Variants in PRUNE2 observed in about 807,000 individuals in gnomAD.
The protein encoded by PRUNE2 is prune homolog 2 with BCH domain.
In PRUNE2, 164 loss-of-function variants were observed where a neutral mutation model predicts 252.0. The observed-to-expected ratio is 0.65, with a 90% CI of 0.57 to 0.74. The LOEUF is 0.74. Among genes scored for constraint, PRUNE2 ranks in the 30% least tolerant of loss-of-function variants. PRUNE2 has a pLI of 0.00. For missense variants in PRUNE2, 3,495 were observed against 3,711.0 expected, an observed-to-expected ratio of 0.94 and a Z score of 1.51; for synonymous variants, 1,292 against 1,350.2, an observed-to-expected ratio of 0.96 and a Z score of 0.94.
At chr9:76,628,493 T>C (rs1311123344) in intron 16 of PRUNE2, among the ~76,000 whole-genome samples, 2 of 152,218 alleles carry the variant, frequency 1.3e-5, no homozygotes, top group African/African-American at 4.8e-5. Context: ...ATAAATTACT[T>C]TGTATAAGAC....
At chr9:76,636,376 A>C (rs1475816872) in intron 15 of PRUNE2, 95 bp downstream of exon 15, 4 of 712,434 alleles carry the variant, frequency 5.6e-6, no homozygotes, top group Non-Finnish European at 9.8e-6. Context: ...TTCCCTGGGT[A>C]CTCTTAGTTT....
At chr9:76,787,021 A>G (rs2055056199) in intron 6 of PRUNE2, 1 of 152,180 alleles carries the variant, frequency 6.6e-6, no homozygotes, top group African/African-American at 2.4e-5. Flanking sequence ...CCCTGCCTTC[A>G]GTGTCCTCTG....
chr9:76,705,328 T>G lies in PRUNE2; in HGVS notation c.6946A>C (p.Ile2316Leu). 6.2e-7 allele frequency: 1 copy of G among 1,614,046 alleles called. No individual in the cohort carries two copies. The change falls in exon 8 of 19, where the codon ATA becomes CTA. Residue 2316 changes from isoleucine (I) to leucine (L), a missense_variant. Physicochemically the swap from Ile to Leu is conservative, Grantham distance 5. Transcript: ENST00000376718. ...AATGTCAGTTTACTCATGTCATCTA[T>G]TGTTCCCGTGGATGTGTTGAGACCT... ...ASGLNTSTGT[I>L]DDMSKLTLSE...
At chr9:76,837,926 C>A (rs552012761) in intron 4 of PRUNE2, among the ~76,000 whole-genome samples, 1 of 151,764 alleles carries the variant, frequency 6.6e-6, no homozygotes, top group Non-Finnish European at 1.5e-5. Flanking sequence ...CGCCTGCCAC[C>A]ACGCCCAGCT....
At chr9:76,865,725 T>C (rs2060797018) in intron 1 of PRUNE2, among the ~76,000 whole-genome samples, 1 of 152,030 alleles carries the variant, frequency 6.6e-6, no homozygotes, top group Non-Finnish European at 1.5e-5. Context: ...TCAAAAGTTA[T>C]ACTATAGGCT....
rs765092693 is a variant in PRUNE2 at position 76,708,911 on chromosome 9, C to T, written c.3363G>A (p.Glu1121=). The T allele has an allele frequency of 4.3e-6, 7 of 1,613,966 alleles. No individual in the cohort carries two copies. The highest frequency in any genetic ancestry group is 5.9e-6 in the Non-Finnish European group (7 of 1,179,896). Reference sequence around the variant, plus strand: ...AGATCGTTGCAGTGGACTGAGTATCCTCCAAAATCACTCTGTTCCACAAGT... The same window carrying T: ...AGATCGTTGCAGTGGACTGAGTATCTTCCAAAATCACTCTGTTCCACAAGT... The part of the protein sequence containing the change: ...SLDLWNRVIL[E]DTQSTATISD... Residue 1121 remains glutamate (E), a synonymous_variant, in exon 8 of 19, where the codon GAG becomes GAA. Coordinates refer to ENST00000376718, the MANE Select transcript of PRUNE2 (RefSeq NM_015225.3).
At chr9:76,714,636 A>G (rs1285946864) in intron 6 of PRUNE2, among the ~76,000 whole-genome samples, 1 of 152,108 alleles carries the variant, frequency 6.6e-6, no homozygotes, top group Non-Finnish European at 1.5e-5. Flanking sequence ...GGCTCAACTG[A>G]TCCACCCACT....
Position 76,703,901 on chromosome 9 carries a change from CTT to C in PRUNE2, c.7710_7711del (p.Ser2571HisfsTer3). 1 of 1,613,876 alleles carries C rather than the reference CTT, an allele frequency of 6.2e-7. No individual in the cohort carries two copies. Among genetic ancestry groups the C allele is most frequent in the Non-Finnish European group, 8.5e-7 (1 of 1,179,844 alleles). ...TACATACAATTCTAATTCAGCTATGCTTTCTCTTTCTTCACAGGTCTCTGGCT... is the reference window on the plus strand; with the variant it reads ...TACATACAATTCTAATTCAGCTATGCTCTCTTTCTTCACAGGTCTCTGGCT... On this transcript the variant is annotated frameshift_variant, in exon 9 of 19. Coordinates refer to ENST00000376718, the MANE Select transcript of PRUNE2 (RefSeq NM_015225.3). LOFTEE classifies it high-confidence loss of function.
Position 76,850,632 on chromosome 9 carries a change from G to C in PRUNE2, c.175C>G (p.Leu59Val). The part of the protein sequence containing the change: ...SPPGVLCLPV[L>V]NIPRTEFNYF... ...TTGAATTCAGTTCTTGGTATGTTCA[G>C]CACTGGTAAACACAGAACCCCTGGT... The change falls in exon 3 of 19, where the codon CTG (leucine) becomes GTG (valine). Residue 59 changes from leucine (L) to valine (V), a missense_variant. Coordinates refer to ENST00000376718, the MANE Select transcript of PRUNE2 (RefSeq NM_015225.3). The C allele has an allele frequency of 6.2e-7, 1 of 1,613,926 alleles. No homozygotes were observed. Among genetic ancestry groups the C allele is most frequent in the African/African-American group, 1.3e-5 (1 of 74,990 alleles).
chr9:76,649,768 G>C (rs1344757974), intron 11 of PRUNE2, among the ~76,000 whole-genome samples: 1 of 152,118 alleles, frequency 6.6e-6, no homozygotes, highest in Non-Finnish European at 1.5e-5. Context: ...AAAGAAAATT[G>C]CTTGAAAGAG....
At chr9:76,737,053 A>G (rs1447239482) in intron 6 of PRUNE2, 1 of 152,192 alleles carries the variant, frequency 6.6e-6, no homozygotes, top group Non-Finnish European at 1.5e-5. Flanking sequence ...GTTCGCACAC[A>G]GTTCTGCTGT....
chr9:76,740,911 C>T (rs2049556599), intron 6 of PRUNE2, among the ~76,000 whole-genome samples: 2 of 152,140 alleles, frequency 1.3e-5, no homozygotes, highest in African/African-American at 4.8e-5. Flanking sequence ...GACACTCTTA[C>T]ATATTGATTT....
In PRUNE2 at chr9:76,655,473, A is replaced by C. The variant is rs1308375652; in HGVS notation, c.8306T>G (p.Ile2769Ser). 1 of 1,612,984 alleles carries C rather than the reference A, an allele frequency of 6.2e-7. No homozygotes were observed. The highest frequency in any genetic ancestry group is 1.1e-5 in the South Asian group (1 of 90,772). ...ACTCAGCACGCCCTCTTCAAAGGGG[A>C]TGTCCATTCCTACATCCTCTGACAG... ...GLLSEDVGMD[I>S]PFEEGVLSPS... The change falls in exon 10 of 19, where the codon ATC becomes AGC. Residue 2769 changes from isoleucine to serine, a missense_variant. By Grantham distance (142) the Ile-to-Ser change is moderately radical (BLOSUM62 -2). Transcript: ENST00000376718.
chr9:76,727,360 A>T (rs779978440), intron 6 of PRUNE2, among the ~76,000 whole-genome samples: 1 of 152,224 alleles, frequency 6.6e-6, no homozygotes, highest in Non-Finnish European at 1.5e-5. Flanking sequence ...CAGGCAGGAG[A>T]ACTAGAAAAG....
rs546670016 is a variant in PRUNE2, at chr9:76,710,190, T to C, written c.2084A>G (p.Asp695Gly). The change falls in exon 8 of 19, where the codon GAT becomes GGT. Residue 695 changes from aspartate (D) to glycine (G), a missense_variant. Coordinates refer to ENST00000376718, the MANE Select transcript of PRUNE2 (RefSeq NM_015225.3). ...AAATACAGAATCTGAGGCTCTCCTA[T>C]CAATGGAGCTTGGCTTATGCTCTTT... ...SWKEHKPSSIDRRASDSVFQP... is the reference protein window; with the variant it reads ...SWKEHKPSSIGRRASDSVFQP... The C allele has an allele frequency of 1.2e-6, 2 of 1,613,898 alleles. No homozygotes were observed. The highest frequency in any genetic ancestry group is 8.5e-7 in the Non-Finnish European group (1 of 1,179,846).
intron 6 of PRUNE2, chr9:76,786,106 A>G (rs1395664246): frequency 4.6e-5 from 7 of 152,180 alleles, no homozygotes; most frequent in African/African-American, 1.4e-4. Context: ...GAAATATTCA[A>G]TTCTCAGCAG....
chr9:76,710,949 C>T lies in PRUNE2; in HGVS notation c.1325G>A (p.Ser442Asn). 6.3e-7 allele frequency: 1 copy of T among 1,587,002 alleles called. No homozygotes were observed. The highest frequency in any genetic ancestry group is 8.6e-7 in the Non-Finnish European group (1 of 1,166,238). The change falls in exon 8 of 19, where the codon AGC (serine) becomes AAC (asparagine). Residue 442 changes from serine (S) to asparagine (N), a missense_variant. Ser to Asn is a conservative substitution (Grantham distance 46). Transcript: ENST00000376718. ...GCTGTCGTCACTGAGGAAAACAGAGCTCTCCTTGGATGAGCGGCTGCTCCT... is the reference window on the plus strand; with the variant it reads ...GCTGTCGTCACTGAGGAAAACAGAGTTCTCCTTGGATGAGCGGCTGCTCCT... ...TIRSSRSSKESSVFLSDDSPV... is the reference protein window; with the variant it reads ...TIRSSRSSKENSVFLSDDSPV...
intron 6 of PRUNE2, among the ~76,000 whole-genome samples, chr9:76,791,213 T>C (rs1181709911): frequency 2.6e-5 from 4 of 151,846 alleles, no homozygotes; most frequent in Non-Finnish European, 5.9e-5. Context: ...TACCATATAC[T>C]GCACCAATTA....
chr9:76,733,955 C>A (rs2048859331), intron 6 of PRUNE2, among the ~76,000 whole-genome samples: 1 of 149,462 alleles, frequency 6.7e-6, no homozygotes, highest in African/African-American at 2.5e-5. Flanking sequence ...AGATGGATAA[C>A]GTTAATGATT....
Sources: gnomAD v4.1 joint callset for allele counts (sites outside exome capture counted in the v4.1 genomes callset) on GRCh38, gnomAD v4.1.1 for gene constraint, MANE v1.5 for transcripts, NCBI Gene and HGNC (gene_info 2026-07-23, HGNC 2026-07-21) for gene names.